Variants in HIBADH observed in about 807,000 individuals in gnomAD.
HIBADH encodes 3-hydroxyisobutyrate dehydrogenase, mitochondrial.
A neutral mutation model predicts 36.1 loss-of-function variants in HIBADH; 25 were observed. The observed-to-expected ratio is 0.69, with a 90% CI of 0.50 to 0.97. The LOEUF is 0.97. HIBADH is among the 50% of genes least tolerant of loss of function. The pLI is 0.00. For missense variants in HIBADH, 421 were observed against 418.0 expected, an observed-to-expected ratio of 1.01 and a Z score of -0.06; for synonymous variants, 160 against 149.5, an observed-to-expected ratio of 1.07 and a Z score of -0.51.
chr7:27,531,712 TATG>T (rs1347499140), intron 6 of HIBADH, among the ~76,000 whole-genome samples: 5 of 152,180 alleles, frequency 3.3e-5, no homozygotes, highest in South Asian at 2.1e-4. Context: ...CTTAAAACAA[TATG>T]ATAATTTAAA....
chr7:27,625,202 T>C (rs1039622852), intron 4 of HIBADH, among the ~76,000 whole-genome samples: 2 of 152,180 alleles, frequency 1.3e-5, no homozygotes, highest in Non-Finnish European at 2.9e-5. Flanking sequence ...GACATAAGGC[T>C]ACACGTGTCT....
chr7:27,530,642 A>G (rs1783981462), intron 7 of HIBADH, among the ~76,000 whole-genome samples: 1 of 152,206 alleles, frequency 6.6e-6, no homozygotes, highest in Non-Finnish European at 1.5e-5. Context: ...AGTTGAGAAC[A>G]TAGACTTTCT....
chr7:27,662,632 G>A, intron 1 of HIBADH, 66 bp downstream of exon 1: 1 of 1,039,814 alleles, frequency 9.6e-7, no homozygotes, highest in Middle Eastern at 3.1e-4. Flanking sequence ...GACTTCTTCG[G>A]CCGTCTGGAC....
chr7:27,590,653 T>G (rs988715758), intron 4 of HIBADH, among the ~76,000 whole-genome samples: 1 of 152,226 alleles, frequency 6.6e-6, no homozygotes, highest in Non-Finnish European at 1.5e-5. Flanking sequence ...GCTCTACATC[T>G]ATCTACATAC....
At chr7:27,567,335 TG>T (rs1784560179) in intron 4 of HIBADH, among the ~76,000 whole-genome samples, 1 of 152,216 alleles carries the variant, frequency 6.6e-6, no homozygotes, top group African/African-American at 2.4e-5. Context: ...AGTATTTACA[TG>T]GTATATCTTT....
intron 1 of HIBADH, among the ~76,000 whole-genome samples, chr7:27,661,527 G>A (rs1294359646): frequency 7.1e-6 from 1 of 140,460 alleles, no homozygotes; most frequent in Non-Finnish European, 1.5e-5. Flanking sequence ...GGTCGAGACT[G>A]CAGTGAGCAG....
At chr7:27,623,185 G>GT (rs1424051008) in intron 4 of HIBADH, among the ~76,000 whole-genome samples, 2 of 152,070 alleles carry the variant, frequency 1.3e-5, no homozygotes, top group African/African-American at 4.8e-5. Context: ...CACAGGAAGC[G>GT]TATTTGATAA....
intron 4 of HIBADH, among the ~76,000 whole-genome samples, chr7:27,555,395 A>G (rs181883484): frequency 6.0e-5 from 9 of 150,874 alleles, no homozygotes; most frequent in African/African-American, 2.2e-4. Context: ...CCTTAATACA[A>G]CCCACCTCCT....
intron 4 of HIBADH, among the ~76,000 whole-genome samples, chr7:27,554,879 A>G (rs919201103): frequency 6.6e-5 from 10 of 152,154 alleles, no homozygotes; most frequent in Admixed American, 2.0e-4. Context: ...GGGTTGGGGT[A>G]CAGTTGAAGA....
At chr7:27,549,916 CT>C (rs1047415242) in intron 4 of HIBADH, among the ~76,000 whole-genome samples, 2 of 151,958 alleles carry the variant, frequency 1.3e-5, no homozygotes, top group South Asian at 4.1e-4. Flanking sequence ...CTTTTCTTTT[CT>C]TTTCTTTTTG....
intron 4 of HIBADH, among the ~76,000 whole-genome samples, chr7:27,621,374 A>G (rs1168316336): frequency 6.6e-6 from 1 of 152,240 alleles, no homozygotes; most frequent in African/African-American, 2.4e-5. Flanking sequence ...AAATGGACCT[A>G]ACAGACATTT....
chr7:27,602,676 A>C (rs1785150938), intron 4 of HIBADH, among the ~76,000 whole-genome samples: 1 of 152,188 alleles, frequency 6.6e-6, no homozygotes, highest in Non-Finnish European at 1.5e-5. Flanking sequence ...TTTACATTAC[A>C]AGGCGTCAGT....
chr7:27,542,591 A>C (rs779989090), intron 5 of HIBADH, among the ~76,000 whole-genome samples: 1 of 151,746 alleles, frequency 6.6e-6, no homozygotes. Context: ...AGCTGTGACT[A>C]TAAGTGTGTG....
intron 5 of HIBADH, among the ~76,000 whole-genome samples, chr7:27,542,287 T>C (rs1232693856): frequency 6.6e-6 from 1 of 152,062 alleles, no homozygotes; most frequent in Non-Finnish European, 1.5e-5. Flanking sequence ...CAAATCTGTG[T>C]TGTTCAAGGG....
chr7:27,541,255 T>G (rs990256961), intron 5 of HIBADH, among the ~76,000 whole-genome samples: 1 of 152,140 alleles, frequency 6.6e-6, no homozygotes, highest in Non-Finnish European at 1.5e-5. Context: ...TGCTGTCTCT[T>G]GGTTGGCAGA....
In HIBADH at chr7:27,662,714, G is replaced by C; in HGVS notation, c.75C>G (p.Ala25=). ...RYWSRRLRPA[A]GSFAAVCSRS... is the part of the protein sequence containing the mutation. Reference sequence around the variant, plus strand: ...GGTCCTTACCCGCTGCAAAGCTGCCGGCTGCCGGCCGCAGCCGCCGGCTCC... The same window carrying C: ...GGTCCTTACCCGCTGCAAAGCTGCCCGCTGCCGGCCGCAGCCGCCGGCTCC... The change falls in exon 1 of 8, where the codon GCC becomes GCG. Residue 25 remains alanine, a synonymous_variant. Coordinates refer to ENST00000265395, the MANE Select transcript of HIBADH (RefSeq NM_152740.4). 1 of 1,372,908 alleles carries C rather than the reference G, an allele frequency of 7.3e-7. No individual in the cohort carries two copies. The highest frequency in any genetic ancestry group is 9.5e-7 in the Non-Finnish European group (1 of 1,057,078). The allele number at this position is 1,372,908 out of a possible 1,614,324, so 85.0% of individuals were successfully genotyped here. A position where few individuals can be genotyped will look rare whatever the true frequency, so the allele number is the denominator to read the frequency against.
chr7:27,625,814 C>T (rs1464118972), intron 4 of HIBADH, among the ~76,000 whole-genome samples: 3 of 151,890 alleles, frequency 2.0e-5, no homozygotes, highest in African/African-American at 4.8e-5. Flanking sequence ...AAGATGTACA[C>T]TTTAAGGCCA....
At chr7:27,644,115 G>A (rs1443622854) in intron 2 of HIBADH, among the ~76,000 whole-genome samples, 2 of 152,160 alleles carry the variant, frequency 1.3e-5, no homozygotes, top group African/African-American at 2.4e-5. Context: ...CAAAGGCCCT[G>A]TTAACATATT....
intron 4 of HIBADH, among the ~76,000 whole-genome samples, chr7:27,612,702 C>T (rs71539530): frequency 2.0e-5 from 3 of 151,482 alleles, no homozygotes; most frequent in Admixed American, 6.6e-5. Flanking sequence ...GGGAGGCCAA[C>T]GCAGGAGGAT....
Sources: allele counts gnomAD v4.1 joint callset (sites outside exome capture counted in the v4.1 genomes callset), GRCh38; gene constraint gnomAD v4.1.1; transcripts MANE v1.5; gene names NCBI Gene and HGNC (gene_info 2026-07-23, HGNC 2026-07-21).